Variants in RBFOX1 observed in about 807,000 individuals in gnomAD.
RBFOX1 encodes RNA binding fox-1 homolog 1.
A neutral mutation model predicts 57.7 loss-of-function variants in RBFOX1; 8 were observed. The ratio of observed to expected loss-of-function variants is 0.14; its 90% CI spans 0.08 to 0.25. The LOEUF is 0.25. RBFOX1 is among the 10% of genes least tolerant of loss of function. RBFOX1 has a pLI of 1.00. For synonymous variants in RBFOX1, 326 were observed against 222.4 expected (o/e 1.47, Z -4.15); for missense variants, 611 against 548.5 (o/e 1.11, Z -1.14).
chr16:6,855,288 T>C (rs1372500725), intron 3 of RBFOX1, among the ~76,000 whole-genome samples: 1 of 151,982 alleles, frequency 6.6e-6, no homozygotes, highest in Non-Finnish European at 1.5e-5. Context: ...AGCATTCTAG[T>C]ATACAGGTCT....
chr16:6,582,840 G>C (rs1433260191), intron 2 of RBFOX1, among the ~76,000 whole-genome samples: 2 of 109,142 alleles, frequency 1.8e-5, no homozygotes, highest in African/African-American at 5.8e-5. Flanking sequence ...AAATGTTGGA[G>C]TTCATTTCAA....
chr16:5,897,234 A>G (rs1236959878), intron 4 of RBFOX1, among the ~76,000 whole-genome samples: 1 of 149,716 alleles, frequency 6.7e-6, no homozygotes, highest in African/African-American at 2.5e-5. Context: ...ACGGGGTTTC[A>G]CCTTGTTAGC....
intron 3 of RBFOX1, among the ~76,000 whole-genome samples, chr16:5,668,573 G>C (rs1435583243): frequency 1.3e-5 from 2 of 152,170 alleles, no homozygotes; most frequent in African/African-American, 2.4e-5. Flanking sequence ...TTCCTCTTCA[G>C]ATTAAACTGC....
At chr16:7,200,065 T>C (rs1310607546) in intron 4 of RBFOX1, among the ~76,000 whole-genome samples, 1 of 152,178 alleles carries the variant, frequency 6.6e-6, no homozygotes. Context: ...AATCTAAAAG[T>C]CAGATACTAG....
At chr16:5,607,500 G>C (rs2047627451) in intron 3 of RBFOX1, among the ~76,000 whole-genome samples, 1 of 152,188 alleles carries the variant, frequency 6.6e-6, no homozygotes. Flanking sequence ...GTGCCCCCTG[G>C]AGTCACGGTG....
chr16:7,067,804 C>T (rs972657893), intron 4 of RBFOX1, among the ~76,000 whole-genome samples: 13 of 150,652 alleles, frequency 8.6e-5, no homozygotes, highest in South Asian at 2.1e-4. Flanking sequence ...TTTGTCCTTG[C>T]GATAGTTTAC....
intron 3 of RBFOX1, among the ~76,000 whole-genome samples, chr16:5,688,583 C>T (rs2050573816): frequency 1.3e-5 from 2 of 151,888 alleles, no homozygotes; most frequent in African/African-American, 2.4e-5. Flanking sequence ...TTGGTCTGGT[C>T]CCAACATGAA....
At chr16:6,501,445 C>T (rs1480758325) in intron 2 of RBFOX1, among the ~76,000 whole-genome samples, 3 of 151,880 alleles carry the variant, frequency 2.0e-5, no homozygotes, top group Non-Finnish European at 4.4e-5. Context: ...CCAGCTTCGT[C>T]CATGTCCCTA....
chr16:6,886,250 C>G (rs1004530638), intron 3 of RBFOX1, among the ~76,000 whole-genome samples: 2 of 151,582 alleles, frequency 1.3e-5, no homozygotes, highest in East Asian at 4.0e-4. Flanking sequence ...TTAGTAGAGA[C>G]GAGGTCTCAC....
At chr16:5,617,830 G>A (rs2048082943) in intron 3 of RBFOX1, among the ~76,000 whole-genome samples, 1 of 152,098 alleles carries the variant, frequency 6.6e-6, no homozygotes, top group East Asian at 1.9e-4. Flanking sequence ...AAGAATAGAT[G>A]ATGAGAGTGT....
At chr16:7,352,438 C>T (rs142892523) in intron 4 of RBFOX1, among the ~76,000 whole-genome samples, 66 of 152,202 alleles carry the variant, frequency 4.3e-4, no homozygotes, top group African/African-American at 1.5e-3. Flanking sequence ...GTAGCTATTG[C>T]CTTACTCAGG....
chr16:5,430,794 T>C (rs1483754809), intron 1 of RBFOX1, among the ~76,000 whole-genome samples: 1 of 152,234 alleles, frequency 6.6e-6, no homozygotes. Flanking sequence ...AGGCAAAGTA[T>C]TTTGCAATAG....
chr16:5,464,494 G>A (rs966144354), intron 1 of RBFOX1, among the ~76,000 whole-genome samples: 5 of 152,238 alleles, frequency 3.3e-5, no homozygotes, highest in Non-Finnish European at 7.3e-5. Flanking sequence ...CTCTGGGTGG[G>A]CAGGGAACCC....
At chr16:6,996,126 T>C (rs1285279314) in intron 3 of RBFOX1, among the ~76,000 whole-genome samples, 1 of 152,228 alleles carries the variant, frequency 6.6e-6, no homozygotes. Flanking sequence ...GAACATTTTA[T>C]TGTATCCTAA....
At chr16:6,409,592 A>C (rs1427609719) in intron 2 of RBFOX1, among the ~76,000 whole-genome samples, 1 of 152,198 alleles carries the variant, frequency 6.6e-6, no homozygotes, top group Non-Finnish European at 1.5e-5. Context: ...AAGCTAAGAC[A>C]CATGATTTAA....
At chr16:7,211,679 C>G (rs181461530) in intron 4 of RBFOX1, among the ~76,000 whole-genome samples, 272 of 152,258 alleles carry the variant, frequency 1.8e-3, no homozygotes, top group Middle Eastern at 6.8e-3. Flanking sequence ...GTAAGTTACA[C>G]TGATTCCTGC....
chr16:6,519,708 A>T (rs1006962471), intron 2 of RBFOX1, among the ~76,000 whole-genome samples: 1 of 152,182 alleles, frequency 6.6e-6, no homozygotes, highest in African/African-American at 2.4e-5. Context: ...TCTCAAAAAG[A>T]TAATAGAAGA....
intron 4 of RBFOX1, among the ~76,000 whole-genome samples, chr16:7,285,404 G>A (rs2095630555): frequency 6.6e-6 from 1 of 150,882 alleles, no homozygotes. Context: ...GTGTGTGTGT[G>A]TTTGCAGTGG....
intron 4 of RBFOX1, among the ~76,000 whole-genome samples, chr16:7,106,888 C>T (rs1329782688): frequency 6.6e-6 from 1 of 151,872 alleles, no homozygotes; most frequent in Non-Finnish European, 1.5e-5. Context: ...TATCATGCAC[C>T]AGACACTATT....
Sources: allele counts gnomAD v4.1 joint callset (sites outside exome capture counted in the v4.1 genomes callset), GRCh38; gene constraint gnomAD v4.1.1; transcripts MANE v1.5; gene names NCBI Gene and HGNC (gene_info 2026-07-23, HGNC 2026-07-21).